Variants in TEK observed in about 807,000 individuals in gnomAD.
TEK encodes the protein TEK receptor tyrosine kinase.
A neutral mutation model predicts 131.8 loss-of-function variants in TEK; 43 were observed. The observed-to-expected ratio is 0.33, with a 90% CI of 0.26 to 0.42. TEK has a LOEUF of 0.42. Among genes scored for constraint, TEK ranks in the 10% least tolerant of loss-of-function variants. The pLI is 1.00. For missense variants in TEK, 1,162 were observed against 1,384.4 expected (o/e 0.84, Z 2.55); for synonymous variants, 580 against 491.6 (o/e 1.18, Z -2.38).
In TEK at chr9:27,115,363, G is replaced by C. The variant is rs143328594; in HGVS notation, c.52+5721G>C. On this transcript the variant is annotated intron_variant, in intron 1 of 22. Transcript: ENST00000380036. ...AAAATACAAAAATTAGCCTGGCATGGTGGCACGTGCATGTAGTCCCAGCTA... is the reference window on the plus strand; with the variant it reads ...AAAATACAAAAATTAGCCTGGCATGCTGGCACGTGCATGTAGTCCCAGCTA... 6.3e-3 allele frequency among the ~76,000 whole-genome samples: 961 copies of C among 152,136 alleles called. 10 individuals are homozygous for C. The highest frequency in any genetic ancestry group is 0.022 in the African/African-American group (923 of 41,490).
At chr9:27,120,869 G>A (rs1821757690) in intron 1 of TEK, among the ~76,000 whole-genome samples, 1 of 152,196 alleles carries the variant, frequency 6.6e-6, no homozygotes, top group Non-Finnish European at 1.5e-5. Flanking sequence ...TTCAGATACA[G>A]GCACCTTGGT....
intron 17 of TEK, among the ~76,000 whole-genome samples, chr9:27,213,247 A>G (rs1325655995): frequency 6.6e-6 from 1 of 152,190 alleles, no homozygotes; most frequent in African/African-American, 2.4e-5. Context: ...TTACAGCTGG[A>G]GGATTTAACA....
chr9:27,194,777 T>C (rs1586997590), intron 11 of TEK, among the ~76,000 whole-genome samples: 1 of 152,320 alleles, frequency 6.6e-6, no homozygotes, highest in Middle Eastern at 3.4e-3. Context: ...AGGTTCTTCT[T>C]TTCCCATCAT....
intron 1 of TEK, among the ~76,000 whole-genome samples, chr9:27,118,726 G>A (rs1354414852): frequency 6.6e-6 from 1 of 152,138 alleles, no homozygotes; most frequent in East Asian, 1.9e-4. Flanking sequence ...CCCTCTAGGT[G>A]ATTCTGATGG....
At chr9:27,173,515 A>G (rs1469745166) in intron 6 of TEK, among the ~76,000 whole-genome samples, 153 bp downstream of exon 6, 2 of 152,176 alleles carry the variant, frequency 1.3e-5, no homozygotes, top group East Asian at 1.9e-4. Context: ...TTTACATCCA[A>G]TGTTAATTAT....
At chr9:27,111,240 T>C (rs944859189) in intron 1 of TEK, among the ~76,000 whole-genome samples, 1 of 256 alleles carries the variant, frequency 3.9e-3, no homozygotes, top group Non-Finnish European at 6.4e-3. Context: ...GGAGAGGAAG[T>C]AGGTTCATGT....
At chr9:27,227,481 C>G (rs1427477969) in intron 21 of TEK, among the ~76,000 whole-genome samples, 1 of 152,186 alleles carries the variant, frequency 6.6e-6, no homozygotes, top group East Asian at 1.9e-4. Context: ...TTATAAACAA[C>G]AGAGATGTAT....
intron 1 of TEK, among the ~76,000 whole-genome samples, chr9:27,151,886 C>T (rs112566173): frequency 2.6e-5 from 4 of 152,102 alleles, no homozygotes; most frequent in Non-Finnish European, 5.9e-5. Context: ...AACAAAAAAC[C>T]TAAACTAAAA....
At chr9:27,139,192 G>T (rs1322833666) in intron 1 of TEK, among the ~76,000 whole-genome samples, 12 of 120,904 alleles carry the variant, frequency 9.9e-5, no homozygotes, top group African/African-American at 3.5e-4. Flanking sequence ...CAGCCTGGGC[G>T]ACAGAGCGAG....
intron 12 of TEK, among the ~76,000 whole-genome samples, chr9:27,201,670 A>T (rs977295134): frequency 2.0e-5 from 3 of 152,184 alleles, no homozygotes; most frequent in African/African-American, 7.2e-5. Context: ...AAGAGTAACA[A>T]GGGGGAGTCA....
chr9:27,220,778 C>T (rs2131248735), intron 21 of TEK, among the ~76,000 whole-genome samples: 1 of 152,346 alleles, frequency 6.6e-6, no homozygotes, highest in South Asian at 2.1e-4. Flanking sequence ...ACAGTCTTTG[C>T]AACCTGCAGA....
In TEK at chr9:27,137,324, A is replaced by G. The variant is rs192980449; in HGVS notation, c.53-20507A>G. On this transcript the variant is annotated intron_variant, in intron 1 of 22. Coordinates refer to ENST00000380036, the MANE Select transcript of TEK (RefSeq NM_000459.5). ...TTACTAATCAGATACCCTAGTATCT[A>G]TGGAAGATAAATCATTTAATAAGTC... Among the ~76,000 whole-genome samples, 402 of 152,350 alleles carry G rather than the reference A, an allele frequency of 2.6e-3. 1 individual carries two copies. Among genetic ancestry groups the G allele is most frequent in the Middle Eastern group, 0.014 (4 of 294 alleles).
At chr9:27,172,108 A>G (rs1462725675) in intron 4 of TEK, among the ~76,000 whole-genome samples, 2 of 152,212 alleles carry the variant, frequency 1.3e-5, no homozygotes, top group East Asian at 3.8e-4. Context: ...CGCCACTTCT[A>G]GAATTTCTCA....
chr9:27,204,179 C>T (rs937347043), intron 13 of TEK, among the ~76,000 whole-genome samples: 1 of 152,038 alleles, frequency 6.6e-6, no homozygotes, highest in Non-Finnish European at 1.5e-5. Context: ...TGTATCTGTA[C>T]ATATATAGAG....
intron 1 of TEK, among the ~76,000 whole-genome samples, chr9:27,110,629 T>C (rs1821302893): frequency 1.3e-5 from 2 of 152,204 alleles, no homozygotes; most frequent in African/African-American, 4.8e-5. Context: ...TAATATAATT[T>C]GATTCGAGTA....
chr9:27,161,638 T>G (rs1482395031), intron 2 of TEK, among the ~76,000 whole-genome samples: 1 of 152,208 alleles, frequency 6.6e-6, no homozygotes, highest in Non-Finnish European at 1.5e-5. Context: ...TCTGAGCTCT[T>G]GTTTTATAAA....
At chr9:27,133,966 C>T (rs954233015) in intron 1 of TEK, among the ~76,000 whole-genome samples, 1 of 152,210 alleles carries the variant, frequency 6.6e-6, no homozygotes, top group Non-Finnish European at 1.5e-5. Flanking sequence ...AGTTACTGGC[C>T]AAGCCAATAG....
intron 21 of TEK, among the ~76,000 whole-genome samples, chr9:27,227,002 C>G (rs929497241): frequency 3.4e-5 from 4 of 116,056 alleles, no homozygotes; most frequent in Non-Finnish European, 5.5e-5. Flanking sequence ...AAAACCTGGA[C>G]ATAGTTGACC....
At chr9:27,168,112 T>G (rs75385363) in intron 2 of TEK, among the ~76,000 whole-genome samples, 10,051 of 152,256 alleles carry the variant, frequency 0.066, 467 homozygotes, top group Middle Eastern at 0.12. Flanking sequence ...TTAGCTGGCA[T>G]AATGCAAATA....
Sources: gnomAD v4.1 joint callset for allele counts (sites outside exome capture counted in the v4.1 genomes callset) on GRCh38, gnomAD v4.1.1 for gene constraint, MANE v1.5 for transcripts, NCBI Gene and HGNC (gene_info 2026-07-23, HGNC 2026-07-21) for gene names.